Variants in GOLGA1 observed in about 807,000 individuals in gnomAD.
GOLGA1 encodes the protein golgin A1.
A neutral mutation model predicts 119.7 loss-of-function variants in GOLGA1; 63 were observed. The observed-to-expected ratio is 0.53, with a 90% CI of 0.43 to 0.65. The LOEUF is 0.65. Ranked by LOEUF, GOLGA1 falls within the 30% of genes least tolerant of loss-of-function variation. The pLI, the probability that GOLGA1 is intolerant of heterozygous loss-of-function variation, is 0.00. For synonymous variants in GOLGA1, 318 were observed against 333.4 expected, an observed-to-expected ratio of 0.95 and a Z score of 0.50; for missense variants, 798 against 912.8, an observed-to-expected ratio of 0.87 and a Z score of 1.62.
Position 124,889,560 on chromosome 9 carries a change from G to A in GOLGA1, c.1498-24C>T, listed in dbSNP as rs368056388. The A allele has an allele frequency of 1.4e-5, 21 of 1,482,714 alleles. No individual in the cohort carries two copies. The Admixed American group carries it at 1.8e-4, about 13-fold the overall frequency. The allele number at this position is 1,482,714 out of a possible 1,614,324, so 91.8% of individuals were successfully genotyped here. A position where few individuals can be genotyped will look rare whatever the true frequency, so the allele number is the denominator to read the frequency against. On this transcript the variant is annotated intron_variant, in intron 16 of 22. Transcript: ENST00000373555. The stretch of plus-strand genomic sequence containing the variant: ...GCCTTGGAGAGAAAAATCAACAAGA[G>A]GGAAGGTTGTGAGCAGTGACTCCAT...
upstream of GOLGA1, chr9:124,943,068 A>G (rs976189299): frequency 7.9e-5 from 12 of 152,244 alleles, no homozygotes; most frequent in African/African-American, 2.4e-4. Flanking sequence ...AGTATTAACC[A>G]TAACAGACAA....
intron 12 of GOLGA1, among the ~76,000 whole-genome samples, chr9:124,902,476 GAC>G (rs1362060588): frequency 6.6e-6 from 1 of 150,944 alleles, no homozygotes; most frequent in African/African-American, 2.4e-5. Flanking sequence ...AGGAGAGGTA[GAC>G]ACACAAGGAG....
At chr9:124,926,794 C>A in intron 6 of GOLGA1, 53 bp from the exon 7 acceptor site, 4 of 943,548 alleles carry the variant, frequency 4.2e-6, no homozygotes, top group Middle Eastern at 4.6e-4. Flanking sequence ...ATCTGTAATA[C>A]CAAGATTTTC....
In GOLGA1 at chr9:124,938,576, C is replaced by T. The variant is rs1397240910; in HGVS notation, c.135+1G>A. 1 of 1,610,054 alleles carries T rather than the reference C, an allele frequency of 6.2e-7. No homozygotes were observed. Among genetic ancestry groups the T allele is most frequent in the South Asian group, 1.1e-5 (1 of 90,704 alleles). On this transcript the variant is annotated splice_donor_variant, in intron 3 of 22. Coordinates refer to ENST00000373555, the MANE Select transcript of GOLGA1 (RefSeq NM_002077.4). LOFTEE classifies it high-confidence loss of function. ...TTTATTTCTTAAGTAAAGGTACTTA[C>T]AAAGTCATCTCCTGAGTCAGCTCCC...
In GOLGA1 at chr9:124,879,269, T is replaced by TA. The variant is rs1829516964; in HGVS notation, c.*1260dup. ...CATCAAACAATAAACGGTTTCCTTTTAGATTCAATATTGTGGCTTTTCCAG... is the reference window on the plus strand; with the variant it reads ...CATCAAACAATAAACGGTTTCCTTTTAAGATTCAATATTGTGGCTTTTCCAG... On this transcript the variant is annotated 3_prime_UTR_variant, in exon 23 of 23. Transcript: ENST00000373555. 6.6e-6 allele frequency: 1 copy of TA among 152,222 alleles called. No homozygotes were observed. Among genetic ancestry groups the TA allele is most frequent in the African/African-American group, 2.4e-5 (1 of 41,466 alleles). The allele number at this position is 152,222 out of a possible 1,614,324, so 9.4% of individuals were successfully genotyped here.
At chr9:124,893,569 G>C (rs1829903528) in intron 15 of GOLGA1, among the ~76,000 whole-genome samples, 4 of 152,122 alleles carry the variant, frequency 2.6e-5, no homozygotes, top group Admixed American at 2.6e-4. Flanking sequence ...CCTTCAGTTA[G>C]TGCAATCAAA....
At chr9:124,922,089 G>A (rs1300908431) in intron 8 of GOLGA1, among the ~76,000 whole-genome samples, 197 bp from the exon 9 acceptor site, 2 of 151,710 alleles carry the variant, frequency 1.3e-5, no homozygotes, top group Non-Finnish European at 2.9e-5. Flanking sequence ...TTAGCCGGGC[G>A]TGGTGGCGGG....
At chr9:124,900,645 A>G in intron 12 of GOLGA1, 98 bp from the exon 13 acceptor site, 1 of 572,984 alleles carries the variant, frequency 1.7e-6, no homozygotes, top group South Asian at 2.4e-5. Context: ...AAACAGGTAC[A>G]TTATAGAAAA....
intron 19 of GOLGA1, among the ~76,000 whole-genome samples, chr9:124,883,757 T>G: frequency 6.6e-6 from 1 of 151,880 alleles, no homozygotes; most frequent in Non-Finnish European, 1.5e-5. Flanking sequence ...CTTTTTTGTT[T>G]TCTTTAAGAG....
chr9:124,888,352 A>C lies in GOLGA1; in HGVS notation c.1806T>G (p.Thr602=), dbSNP rs16927704. The C allele has an allele frequency of 3.2e-3, 5,110 of 1,613,406 alleles. 154 individuals are homozygous for C. The African/African-American group carries it at 0.061, about 19-fold the overall frequency. Residue 602 remains threonine (T), a synonymous_variant, in exon 19 of 23, where the codon ACT becomes ACG. Transcript: ENST00000373555. The surrounding 1 kb of genome is among the most constrained non-coding windows in gnomAD (Gnocchi z 4.4). ...AMQDPVFQLP[T]AGRTPNGEVG... ...CCTCACCATTTGGTGTTCTTCCTGC[A>C]GTTGGAAGCTGGAACACAGGGTCCT...
chr9:124,900,649 T>C (rs1370186058), intron 12 of GOLGA1, 102 bp from the exon 13 acceptor site: 6 of 560,134 alleles, frequency 1.1e-5, no homozygotes, highest in East Asian at 3.0e-5. Context: ...AGGTACATTA[T>C]AGAAAAATGT....
upstream of GOLGA1, chr9:124,942,597 G>C (rs1300595150): frequency 6.6e-6 from 1 of 152,090 alleles, no homozygotes; most frequent in African/African-American, 2.4e-5. Context: ...TACCGAAAAA[G>C]TACCAAAAAC....
At chr9:124,934,075 T>A (rs1485235649) in intron 3 of GOLGA1, among the ~76,000 whole-genome samples, 1 of 152,132 alleles carries the variant, frequency 6.6e-6, no homozygotes, top group Non-Finnish European at 1.5e-5. Context: ...TTGACACACA[T>A]ACTTTAATAA....
At chr9:124,939,150 T>C (rs957384072) in intron 2 of GOLGA1, among the ~76,000 whole-genome samples, 3 of 152,160 alleles carry the variant, frequency 2.0e-5, no homozygotes, top group Non-Finnish European at 4.4e-5. Context: ...ACGTTTTTTT[T>C]TTTTAATTAC....
chr9:124,896,540 A>C (rs896521019), intron 15 of GOLGA1, among the ~76,000 whole-genome samples: 1 of 152,250 alleles, frequency 6.6e-6, no homozygotes, highest in Non-Finnish European at 1.5e-5. Flanking sequence ...AAAGTCTCCT[A>C]AACAGTCTTC....
upstream of GOLGA1, among the ~76,000 whole-genome samples, chr9:124,941,814 C>T (rs906756016): frequency 6.6e-6 from 1 of 152,170 alleles, no homozygotes; most frequent in African/African-American, 2.4e-5. Flanking sequence ...GTGCACGGCG[C>T]GCGCTTCTGT....
chr9:124,919,989 T>A lies in GOLGA1; in HGVS notation c.843+1140A>T, dbSNP rs541901015. Among the ~76,000 whole-genome samples, 49 of 152,126 alleles carry A rather than the reference T, an allele frequency of 3.2e-4. 1 individual carries two copies. Among genetic ancestry groups the A allele is most frequent in the Non-Finnish European group, 6.0e-4 (41 of 68,032 alleles). On this transcript the variant is annotated intron_variant, in intron 10 of 22. Coordinates refer to ENST00000373555, the MANE Select transcript of GOLGA1 (RefSeq NM_002077.4). Reference sequence around the variant, plus strand: ...TTATTTTTTTAAGACAGAGTCTCTCTCTGTCACCCAGGCAGGCTGCAGCGC... The same window carrying A: ...TTATTTTTTTAAGACAGAGTCTCTCACTGTCACCCAGGCAGGCTGCAGCGC...
chr9:124,881,165 C>T lies in GOLGA1; in HGVS notation c.2223+6G>A. 2 of 1,444,436 alleles carry T rather than the reference C, an allele frequency of 1.4e-6. No homozygotes were observed. Among genetic ancestry groups the T allele is most frequent in the South Asian group, 2.3e-5 (2 of 87,884 alleles). The allele number at this position is 1,444,436 out of a possible 1,614,324, so 89.5% of individuals were successfully genotyped here. ...GAAGCTGGAACAGTAGACCAGAGAA[C>T]CCTACCTTATATTCCAGAGTTTCCT... On this transcript the variant is annotated splice_donor_region_variant and intron_variant, in intron 22 of 22. Coordinates refer to ENST00000373555, the MANE Select transcript of GOLGA1 (RefSeq NM_002077.4). This position sits in a 1 kb window ranked among gnomAD's most constrained non-coding sequence, Gnocchi z 4.9.
At chr9:124,933,484 A>G (rs1042395830) in intron 3 of GOLGA1, among the ~76,000 whole-genome samples, 1 of 152,062 alleles carries the variant, frequency 6.6e-6, no homozygotes, top group African/African-American at 2.4e-5. Context: ...GCAGTGGTAC[A>G]ATGTTGGCTC....
Sources: gnomAD v4.1 joint callset for allele counts (sites outside exome capture counted in the v4.1 genomes callset) on GRCh38, gnomAD v4.1.1 for gene constraint, Gnocchi (gnomAD v3.1) non-coding constraint, MANE v1.5 for transcripts, NCBI Gene and HGNC (gene_info 2026-07-23, HGNC 2026-07-21) for gene names.